STK31: variants seen among roughly 807,000 people sequenced by gnomAD.
STK31 encodes the protein serine/threonine-protein kinase 31.
Under a neutral mutation model 129.7 loss-of-function variants are expected in STK31, and 89 were observed. The ratio of observed to expected loss-of-function variants is 0.69; its 90% CI spans 0.58 to 0.82. The LOEUF (loss-of-function observed/expected upper bound fraction) is 0.82. Ranked by LOEUF, STK31 falls within the 40% of genes least tolerant of loss-of-function variation. The probability of loss-of-function intolerance (pLI) is 0.00; values close to 1 mark genes in which losing one functional copy is unlikely to be tolerated. For synonymous variants in STK31, 448 were observed against 395.3 expected (o/e 1.13, Z -1.58); for missense variants, 1,187 against 1,176.4 (o/e 1.01, Z -0.13).
chr7:23,726,453 A>G (rs1046997396), intron 4 of STK31: 2 of 129,352 alleles, frequency 1.5e-5, no homozygotes, highest in Non-Finnish European at 3.4e-5. Flanking sequence ...AAAAAAAAAA[A>G]AAAATACAAA....
At chr7:23,712,312 C>T (rs769891598) in intron 3 of STK31, 26 bp downstream of exon 3, 1 of 1,609,202 alleles carries the variant, frequency 6.2e-7, no homozygotes, top group South Asian at 1.1e-5. Context: ...GTTGATATCC[C>T]CCCTCACCTC....
chr7:23,757,234 T>C (rs1228623739), intron 10 of STK31, among the ~76,000 whole-genome samples: 1 of 152,126 alleles, frequency 6.6e-6, no homozygotes, highest in East Asian at 1.9e-4. Context: ...CCTGCACACC[T>C]GTGGGCGTTT....
chr7:23,710,294 C>A lies in STK31; in HGVS notation c.9C>A (p.Val3=). ...AGGGCCGAAAGTCCAGTATGTGGGT[C>A]CAGGGTCACTCTTCTAGAGCTTCCG... is the stretch of plus-strand genomic sequence containing the variant. The part of the protein sequence containing the change: MW[V]QGHSSRASAT... Residue 3 remains valine (V), a synonymous_variant, in exon 1 of 24, where the codon GTC becomes GTA. Transcript: ENST00000355870. 1 of 1,612,192 alleles carries A rather than the reference C, an allele frequency of 6.2e-7. No homozygotes were observed. The highest frequency in any genetic ancestry group is 8.5e-7 in the Non-Finnish European group (1 of 1,179,910).
chr7:23,762,475 G>C (rs1308124026), intron 10 of STK31, among the ~76,000 whole-genome samples: 1 of 152,098 alleles, frequency 6.6e-6, no homozygotes, highest in Non-Finnish European at 1.5e-5. Context: ...TGAAGGAGTT[G>C]AGAATGGGAT....
chr7:23,769,880 G>C (rs1790078589), intron 13 of STK31, 124 bp downstream of exon 13: 1 of 545,832 alleles, frequency 1.8e-6, no homozygotes, highest in Non-Finnish European at 3.2e-6. Context: ...ACTGATCTTA[G>C]CTTTCTTCTA....
intron 23 of STK31, among the ~76,000 whole-genome samples, chr7:23,830,635 T>C (rs1226154853): frequency 6.7e-6 from 1 of 148,606 alleles, no homozygotes; most frequent in East Asian, 2.0e-4. Context: ...TGTGTTGTTT[T>C]TGAGCTGGGG....
chr7:23,822,474 A>G (rs1484073230), intron 23 of STK31, among the ~76,000 whole-genome samples: 1 of 152,136 alleles, frequency 6.6e-6, no homozygotes, highest in Admixed American at 6.6e-5. Flanking sequence ...TGATTTTTAC[A>G]TGTTGATTCT....
chr7:23,829,487 A>G (rs557017543), intron 23 of STK31, among the ~76,000 whole-genome samples: 2 of 152,266 alleles, frequency 1.3e-5, no homozygotes, highest in South Asian at 4.1e-4. Context: ...CTAATTAATC[A>G]TGGTGTATTA....
At chr7:23,763,064 A>G in intron 11 of STK31, 141 bp downstream of exon 11, 1 of 711,514 alleles carries the variant, frequency 1.4e-6, no homozygotes, top group Non-Finnish European at 2.1e-6. Context: ...ATTTCTTTTT[A>G]ATGGGATTAA....
intron 8 of STK31, among the ~76,000 whole-genome samples, chr7:23,739,288 C>G (rs1787912961): frequency 6.6e-6 from 1 of 152,048 alleles, no homozygotes; most frequent in South Asian, 2.1e-4. Context: ...TGAGAAGTGC[C>G]TGTTCATATT....
At chr7:23,749,801 G>A (rs1414092801) in intron 8 of STK31, among the ~76,000 whole-genome samples, 1 of 152,102 alleles carries the variant, frequency 6.6e-6, no homozygotes, top group Non-Finnish European at 1.5e-5. Flanking sequence ...GTGAGTCTAT[G>A]TCTCTGGCCC....
chr7:23,781,556 T>A (rs776559533), intron 16 of STK31, 36 bp downstream of exon 16: 2 of 1,473,030 alleles, frequency 1.4e-6, no homozygotes, highest in Non-Finnish European at 9.4e-7. Flanking sequence ...TACATTAGGT[T>A]TTACTCTAGA....
intron 22 of STK31, among the ~76,000 whole-genome samples, chr7:23,801,612 G>A (rs922659192): frequency 1.3e-5 from 2 of 151,914 alleles, no homozygotes; most frequent in East Asian, 1.9e-4. Context: ...AGAACTCTTC[G>A]CATAACCCAA....
At chr7:23,781,708 A>G (rs556238119) in intron 16 of STK31, among the ~76,000 whole-genome samples, 188 bp downstream of exon 16, 3 of 152,238 alleles carry the variant, frequency 2.0e-5, no homozygotes, top group Non-Finnish European at 4.4e-5. Context: ...TATTCTGACC[A>G]TTGTACCAGT....
intron 22 of STK31, among the ~76,000 whole-genome samples, chr7:23,794,468 G>A (rs930587821): frequency 1.3e-5 from 2 of 152,204 alleles, no homozygotes; most frequent in Admixed American, 6.5e-5. Flanking sequence ...TATTAGTGGT[G>A]TGAGAAGGGA....
chr7:23,823,630 T>G (rs531752695), intron 23 of STK31, among the ~76,000 whole-genome samples: 1 of 152,376 alleles, frequency 6.6e-6, no homozygotes, highest in East Asian at 1.9e-4. Context: ...TTTTGACTTT[T>G]GTTGCCATTG....
At chr7:23,755,329 A>G (rs1205483618) in intron 10 of STK31, 2 of 152,162 alleles carry the variant, frequency 1.3e-5, no homozygotes, top group African/African-American at 4.8e-5. Flanking sequence ...TCCTTTGCCC[A>G]CTTTTTGATG....
At position 23,787,359 on chromosome 7, in the gene STK31, T is replaced by C. The variant is rs549308451; in HGVS notation, c.2487+435T>C. Among the ~76,000 whole-genome samples the C allele has an allele frequency of 4.3e-4, 66 of 152,280 alleles. 2 individuals are homozygous for C. Among genetic ancestry groups the C allele is most frequent in the African/African-American group, 1.4e-3 (60 of 41,550 alleles). On this transcript the variant is annotated intron_variant, in intron 20 of 23. Coordinates refer to ENST00000355870, the MANE Select transcript of STK31 (RefSeq NM_031414.5). ...GGAGTAACACTGTTTCAGTCTCTTA[T>C]AGCTACTTTACATGGTTGGTATTTG... is the stretch of plus-strand genomic sequence containing the variant.
intron 8 of STK31, among the ~76,000 whole-genome samples, chr7:23,743,867 G>T (rs59356863): frequency 0.014 from 2,085 of 151,178 alleles, 53 homozygotes; most frequent in African/African-American, 0.048. Flanking sequence ...TAGTTCAAAA[G>T]TCTTGTCTTA....
Sources: gnomAD v4.1 joint callset for allele counts (sites outside exome capture counted in the v4.1 genomes callset) on GRCh38, gnomAD v4.1.1 for gene constraint, MANE v1.5 for transcripts, NCBI Gene and HGNC (gene_info 2026-07-23, HGNC 2026-07-21) for gene names.